Variants in ENPP6 observed in about 807,000 individuals in gnomAD.
ENPP6 encodes glycerophosphocholine cholinephosphodiesterase ENPP6.
ENPP6 carries 32 observed loss-of-function variants against 42.0 expected under a neutral mutation model. That is an observed-to-expected ratio of 0.76 (90% CI 0.58 to 1.02). ENPP6 has a LOEUF of 1.02. ENPP6 is among the 50% of genes least tolerant of loss of function. The pLI, the probability that ENPP6 is intolerant of heterozygous loss-of-function variation, is 0.00. For synonymous variants in ENPP6, 213 were observed against 216.0 expected, an observed-to-expected ratio of 0.99 and a Z score of 0.12; for missense variants, 552 against 566.8, an observed-to-expected ratio of 0.97 and a Z score of 0.27.
chr4:184,122,486 T>C lies in ENPP6; in HGVS notation c.533+1675A>G, dbSNP rs116120756. On this transcript the variant is annotated intron_variant, in intron 3 of 7. Transcript: ENST00000296741. ...ATTCTCCAAGGTAAAGATGCATTTC[T>C]ATAGCTTCTCTAGAGGAAACAGAGC... Among the ~76,000 whole-genome samples the C allele has an allele frequency of 5.4e-3, 785 of 146,268 alleles. 9 individuals are homozygous for C. The highest frequency in any genetic ancestry group is 0.039 in the South Asian group (176 of 4,482).
intron 2 of ENPP6, among the ~76,000 whole-genome samples, chr4:184,142,650 C>A (rs1489171190): frequency 6.6e-6 from 1 of 152,202 alleles, no homozygotes; most frequent in Non-Finnish European, 1.5e-5. Context: ...ACCAACTCAT[C>A]CATTAGCGCT....
chr4:184,170,453 A>AG (rs1479998540), intron 1 of ENPP6, among the ~76,000 whole-genome samples: 2 of 151,492 alleles, frequency 1.3e-5, no homozygotes, highest in African/African-American at 4.8e-5. Context: ...AGGAAAAAAA[A>AG]AAAAAGAATC....
At chr4:184,157,254 A>G (rs553302560) in intron 1 of ENPP6, among the ~76,000 whole-genome samples, 1 of 152,208 alleles carries the variant, frequency 6.6e-6, no homozygotes, top group African/African-American at 2.4e-5. Flanking sequence ...TTGTCTGTCA[A>G]TCTCTACTTG....
In ENPP6 at chr4:184,089,827, G is replaced by GTA. The variant is rs1228348308; in HGVS notation, c.*1348_*1349dup. The GTA allele has an allele frequency of 1.3e-5, 2 of 152,096 alleles. No individual in the cohort carries two copies. Among genetic ancestry groups the GTA allele is most frequent in the African/African-American group, 4.8e-5 (2 of 41,410 alleles). 9.4% of individuals were successfully genotyped at this position (152,096 alleles called of 1,614,324 possible). ...TTTAATGCAGTGATAGTGTATGCAAGTATATATATGTATATAGATATAAAT... is the reference window on the plus strand; with the variant it reads ...TTTAATGCAGTGATAGTGTATGCAAGTATATATATATGTATATAGATATAAAT... On this transcript the variant is annotated 3_prime_UTR_variant, in exon 8 of 8. Coordinates refer to ENST00000296741, the MANE Select transcript of ENPP6 (RefSeq NM_153343.4).
chr4:184,117,435 G>A (rs996310214), intron 4 of ENPP6, among the ~76,000 whole-genome samples: 11 of 152,204 alleles, frequency 7.2e-5, no homozygotes, highest in African/African-American at 2.7e-4. Flanking sequence ...CAGCAAAAGC[G>A]TAAGGTAGAA....
intron 5 of ENPP6, among the ~76,000 whole-genome samples, chr4:184,113,465 C>A (rs557283838): frequency 5.3e-4 from 81 of 152,240 alleles, no homozygotes; most frequent in African/African-American, 1.6e-3. Context: ...ACGGTAATGT[C>A]CTATTTCTCA....
At chr4:184,206,309 G>C (rs927857383) in intron 1 of ENPP6, among the ~76,000 whole-genome samples, 2 of 121,416 alleles carry the variant, frequency 1.6e-5, no homozygotes, top group African/African-American at 3.2e-5. Context: ...CCAGGCTGGA[G>C]TGCAGTGGCG....
At chr4:184,200,896 G>A (rs759667670) in intron 1 of ENPP6, among the ~76,000 whole-genome samples, 15 of 152,208 alleles carry the variant, frequency 9.9e-5, no homozygotes, top group Non-Finnish European at 1.9e-4. Flanking sequence ...TCTTGAAGGT[G>A]CCCTGGGTAG....
At chr4:184,173,183 G>A (rs1737501655) in intron 1 of ENPP6, among the ~76,000 whole-genome samples, 1 of 152,086 alleles carries the variant, frequency 6.6e-6, no homozygotes, top group Admixed American at 6.6e-5. Flanking sequence ...GGGATTACAG[G>A]CATGGACCAC....
At chr4:184,115,496 C>T (rs1736297675) in intron 5 of ENPP6, among the ~76,000 whole-genome samples, 1 of 152,192 alleles carries the variant, frequency 6.6e-6, no homozygotes, top group African/African-American at 2.4e-5. Context: ...AGGGCAGTGA[C>T]TGTGGGGAGC....
rs138490317 is a variant in ENPP6 at position 184,176,817 on chromosome 4, C to T, written c.242-23084G>A. 8.0e-3 allele frequency among the ~76,000 whole-genome samples: 1,226 copies of T among 152,340 alleles called. 8 individuals carry two copies. Among genetic ancestry groups the T allele is most frequent in the Middle Eastern group, 0.037 (11 of 294 alleles). ...CATCTTGCAGCCCAGGCCCTGAAGG[C>T]GCTCATACAGAAGAAACGTGGACAG... On this transcript the variant is annotated intron_variant, in intron 1 of 7. Transcript: ENST00000296741.
At chr4:184,117,711 G>C (rs781129375) in intron 4 of ENPP6, 48 bp downstream of exon 4, 1 of 1,603,392 alleles carries the variant, frequency 6.2e-7, no homozygotes, top group Non-Finnish European at 8.5e-7. Context: ...GAGACAAACA[G>C]AGGGTGACAG....
intron 1 of ENPP6, among the ~76,000 whole-genome samples, chr4:184,203,288 A>G (rs994523382): frequency 6.6e-5 from 10 of 152,164 alleles, no homozygotes; most frequent in Non-Finnish European, 1.5e-4. Flanking sequence ...ACTCAAAAGA[A>G]GCTGTTCAAA....
intron 2 of ENPP6, among the ~76,000 whole-genome samples, chr4:184,127,215 A>G (rs1030230787): frequency 6.6e-6 from 1 of 152,210 alleles, no homozygotes; most frequent in African/African-American, 2.4e-5. Context: ...AAATTTTGAA[A>G]CTCATGTCAT....
At chr4:184,131,098 G>T (rs1387373030) in intron 2 of ENPP6, among the ~76,000 whole-genome samples, 2 of 152,044 alleles carry the variant, frequency 1.3e-5, no homozygotes, top group African/African-American at 4.8e-5. Context: ...ATGTCAAAGA[G>T]TTTTGTAAAG....
intron 1 of ENPP6, among the ~76,000 whole-genome samples, chr4:184,185,851 A>G (rs1189448681): frequency 1.3e-5 from 2 of 152,260 alleles, no homozygotes; most frequent in African/African-American, 2.4e-5. Flanking sequence ...TAATGTTCTA[A>G]GGGATTCTTT....
intron 2 of ENPP6, among the ~76,000 whole-genome samples, chr4:184,139,644 A>G (rs1736788629): frequency 1.2e-5 from 1 of 83,476 alleles, no homozygotes; most frequent in Non-Finnish European, 2.8e-5. Context: ...TTTACTGAGA[A>G]TGATGATTTC....
At chr4:184,173,971 C>T (rs1454764230) in intron 1 of ENPP6, among the ~76,000 whole-genome samples, 1 of 152,014 alleles carries the variant, frequency 6.6e-6, no homozygotes, top group East Asian at 1.9e-4. Context: ...CACTGCAGAT[C>T]GTAATTCCCA....
intron 2 of ENPP6, among the ~76,000 whole-genome samples, chr4:184,140,269 G>A (rs1250035718): frequency 6.6e-6 from 1 of 151,042 alleles, no homozygotes; most frequent in Non-Finnish European, 1.5e-5. Flanking sequence ...AACATTCCAT[G>A]CTCATGGGTA....
Sources: allele counts gnomAD v4.1 joint callset (sites outside exome capture counted in the v4.1 genomes callset), GRCh38; gene constraint gnomAD v4.1.1; transcripts MANE v1.5; gene names NCBI Gene and HGNC (gene_info 2026-07-23, HGNC 2026-07-21).